The following DLG2 variants were observed in gnomAD, a reference collection of about 807,000 sequenced individuals.
DLG2 encodes discs large MAGUK scaffold protein 2, also known as disks large homolog 2.
Under a neutral mutation model 132.5 loss-of-function variants are expected in DLG2, and 45 were observed. The observed-to-expected ratio is 0.34, with a 90% CI of 0.27 to 0.44. DLG2 has a LOEUF of 0.44. Ranked by LOEUF, DLG2 falls within the 20% of genes least tolerant of loss-of-function variation. The pLI is 1.00. For missense variants in DLG2, 1,045 were observed against 1,196.9 expected (o/e 0.87, Z 1.87); for synonymous variants, 424 against 419.6 (o/e 1.01, Z -0.13).
At chr11:83,570,655 G>C (rs1173983169) in intron 19 of DLG2, among the ~76,000 whole-genome samples, 1 of 152,100 alleles carries the variant, frequency 6.6e-6, no homozygotes, top group African/African-American at 2.4e-5. Context: ...GTCATCCAAA[G>C]AACTATGGAT....
In DLG2 at chr11:83,955,966, C is replaced by T. The variant is rs545581546; in HGVS notation, c.1340+6919G>A. Among the ~76,000 whole-genome samples, 7 of 152,230 alleles carry T rather than the reference C, an allele frequency of 4.6e-5. No homozygotes were observed. In the East Asian group the frequency reaches 1.4e-3, roughly 29 times the overall value. Reference sequence around the variant, plus strand: ...TCCTTGCCTCTCAGCTTGCAGATGGCCTATTGTGGGACCTCACCTTGTGAT... The same window carrying T: ...TCCTTGCCTCTCAGCTTGCAGATGGTCTATTGTGGGACCTCACCTTGTGAT... On this transcript the variant is annotated intron_variant, in intron 14 of 27. Coordinates refer to ENST00000376104, the MANE Select transcript of DLG2 (RefSeq NM_001142699.3).
At chr11:85,440,676 A>AT (rs1335513667) in intron 3 of DLG2, among the ~76,000 whole-genome samples, 1 of 152,174 alleles carries the variant, frequency 6.6e-6, no homozygotes, top group Non-Finnish European at 1.5e-5. Flanking sequence ...ATGATTACTT[A>AT]TTTTTTCCAG....
chr11:84,300,228 T>G (rs1292339786), intron 7 of DLG2, among the ~76,000 whole-genome samples: 1 of 152,190 alleles, frequency 6.6e-6, no homozygotes, highest in Non-Finnish European at 1.5e-5. Flanking sequence ...TACTGTCAAT[T>G]TAATGTCCAT....
chr11:84,166,864 G>A (rs1056041011), intron 8 of DLG2: 3 of 527,678 alleles, frequency 5.7e-6, no homozygotes, highest in Non-Finnish European at 1.2e-5. Flanking sequence ...TCAGGTTATC[G>A]ACATATGATT....
At chr11:84,054,256 T>G (rs971941178) in intron 11 of DLG2, among the ~76,000 whole-genome samples, 1 of 152,100 alleles carries the variant, frequency 6.6e-6, no homozygotes, top group Admixed American at 6.6e-5. Flanking sequence ...TGTTTAATTA[T>G]ATATTAATAG....
At chr11:85,204,591 T>C (rs1371176971) in intron 4 of DLG2, among the ~76,000 whole-genome samples, 1 of 152,126 alleles carries the variant, frequency 6.6e-6, no homozygotes, top group African/African-American at 2.4e-5. Flanking sequence ...AGAATTACTA[T>C]TAAAATATCC....
chr11:84,121,720 C>T (rs1158866849), intron 9 of DLG2, among the ~76,000 whole-genome samples: 1 of 151,456 alleles, frequency 6.6e-6, no homozygotes, highest in African/African-American at 2.4e-5. Context: ...CACCACCACG[C>T]CTGGCTAATT....
At chr11:85,581,448 A>G (rs1295738646) in intron 3 of DLG2, among the ~76,000 whole-genome samples, 1 of 151,518 alleles carries the variant, frequency 6.6e-6, no homozygotes, top group African/African-American at 2.4e-5. Context: ...CATCTCTACT[A>G]AAATACAAAA....
At chr11:85,598,814 AT>A in intron 2 of DLG2, 26 bp from the exon 3 acceptor site, 1 of 646,920 alleles carries the variant, frequency 1.5e-6, no homozygotes, top group Non-Finnish European at 2.4e-6. Context: ...TTATTATTAT[AT>A]TTTATGGTCT....
At chr11:85,596,021 G>A (rs1376094268) in intron 3 of DLG2, among the ~76,000 whole-genome samples, 1 of 152,130 alleles carries the variant, frequency 6.6e-6, no homozygotes, top group Admixed American at 6.5e-5. Context: ...GGGAGGTTGA[G>A]GTGGGAGGAT....
chr11:83,934,436 C>T (rs1290433654), intron 14 of DLG2, among the ~76,000 whole-genome samples: 1 of 151,930 alleles, frequency 6.6e-6, no homozygotes, highest in African/African-American at 2.4e-5. Context: ...GTCTTAATTG[C>T]TGTTTCTCGG....
chr11:85,513,906 A>G (rs949583049), intron 3 of DLG2, among the ~76,000 whole-genome samples: 4 of 151,946 alleles, frequency 2.6e-5, no homozygotes, highest in Non-Finnish European at 4.4e-5. Context: ...CTTTCTAAAT[A>G]TCTTTCAAGG....
chr11:84,869,521 T>C (rs541678853), intron 6 of DLG2, among the ~76,000 whole-genome samples: 1 of 152,204 alleles, frequency 6.6e-6, no homozygotes, highest in Non-Finnish European at 1.5e-5. Context: ...CCTCTTCAAT[T>C]TGAACTAACT....
chr11:85,303,884 G>C (rs1051751771), intron 3 of DLG2, among the ~76,000 whole-genome samples: 7 of 152,180 alleles, frequency 4.6e-5, no homozygotes, highest in Non-Finnish European at 8.8e-5. Flanking sequence ...TATTTAAAAA[G>C]TGAAATTAAA....
chr11:83,785,147 C>T (rs763524886), intron 18 of DLG2, among the ~76,000 whole-genome samples: 15 of 151,978 alleles, frequency 9.9e-5, no homozygotes, highest in Non-Finnish European at 1.2e-4. Context: ...CTCCACCTCC[C>T]GGGTTCATGC....
chr11:85,409,272 A>G (rs1344965333), intron 3 of DLG2, among the ~76,000 whole-genome samples: 1 of 151,884 alleles, frequency 6.6e-6, no homozygotes, highest in Non-Finnish European at 1.5e-5. Context: ...AGGCCTTCTG[A>G]GTCCTGGTTT....
chr11:85,548,255 A>C (rs2076451738), intron 3 of DLG2, among the ~76,000 whole-genome samples: 2 of 152,106 alleles, frequency 1.3e-5, no homozygotes, highest in South Asian at 4.1e-4. Context: ...CTCTGCTGCA[A>C]GTCTGCTGGA....
rs150696991 is a variant in DLG2, at chr11:85,297,394, T to TA, written c.41-12030dup. 9.8e-3 allele frequency among the ~76,000 whole-genome samples: 1,490 copies of TA among 152,268 alleles called. 20 individuals are homozygous for TA. Among genetic ancestry groups the TA allele is most frequent in the African/African-American group, 0.035 (1,436 of 41,558 alleles). Reference sequence around the variant, plus strand: ...GACATGAAGCTTTGTAGTTCTCTCTTAGACTGCCTAATGTTGTATGATAAT... The same window carrying TA: ...GACATGAAGCTTTGTAGTTCTCTCTTAAGACTGCCTAATGTTGTATGATAAT... On this transcript the variant is annotated intron_variant, in intron 3 of 27. Transcript: ENST00000376104.
At chr11:83,603,704 G>A (rs554853922) in intron 19 of DLG2, among the ~76,000 whole-genome samples, 1 of 152,210 alleles carries the variant, frequency 6.6e-6, no homozygotes, top group East Asian at 1.9e-4. Flanking sequence ...GTGCCTTATT[G>A]CAGTTTAACT....
Sources: allele counts gnomAD v4.1 joint callset (sites outside exome capture counted in the v4.1 genomes callset), GRCh38; gene constraint gnomAD v4.1.1; transcripts MANE v1.5; gene names NCBI Gene and HGNC (gene_info 2026-07-23, HGNC 2026-07-21).